NPIPB2: variants seen among roughly 807,000 people sequenced by gnomAD.
The protein encoded by NPIPB2 is nuclear pore complex-interacting protein family member B2.
A neutral mutation model predicts 30.8 loss-of-function variants in NPIPB2; 27 were observed. The ratio of observed to expected loss-of-function variants is 0.88; its 90% CI spans 0.65 to 1.21. The LOEUF is 1.21. NPIPB2 is among the 50% of genes most tolerant of loss of function. NPIPB2 has a pLI of 0.00. For missense variants in NPIPB2, 440 were observed against 446.2 expected (o/e 0.99, Z 0.13); for synonymous variants, 147 against 162.0 (o/e 0.91, Z 0.70).
chr16:11,948,764 C>T (rs1250272538), intron 1 of NPIPB2, among the ~76,000 whole-genome samples: 3 of 29,142 alleles, frequency 1.0e-4, no homozygotes, highest in Admixed American at 8.5e-4. Flanking sequence ...GAGACTCCGT[C>T]TCAAAAAAAA....
chr16:11,951,619 TACACATAC>T (rs1429991886), intron 1 of NPIPB2, among the ~76,000 whole-genome samples: 5,777 of 115,808 alleles, frequency 0.05, 407 homozygotes, highest in African/African-American at 0.17. Flanking sequence ...ACACTGCACA[TACACATAC>T]ACACACACAC....
chr16:11,944,461 C>A (rs1332397806), upstream of NPIPB2, among the ~76,000 whole-genome samples: 1 of 151,774 alleles, frequency 6.6e-6, no homozygotes, highest in Non-Finnish European at 1.5e-5. Context: ...GCCACCACAC[C>A]TGGCCTTAAA....
chr16:11,959,995 G>A (rs1051249506), intron 1 of NPIPB2, among the ~76,000 whole-genome samples: 4 of 152,128 alleles, frequency 2.6e-5, no homozygotes, highest in African/African-American at 9.7e-5. Context: ...AGGCTGTCTC[G>A]AACTACTGGG....
chr16:11,953,288 G>A (rs1246876312), intron 1 of NPIPB2, among the ~76,000 whole-genome samples: 2 of 152,058 alleles, frequency 1.3e-5, no homozygotes, highest in Non-Finnish European at 2.9e-5. Context: ...TGGGATTACA[G>A]GCACCTGCCA....
intron 1 of NPIPB2, among the ~76,000 whole-genome samples, chr16:11,952,772 G>A (rs944872461): frequency 6.6e-6 from 1 of 151,838 alleles, no homozygotes; most frequent in Non-Finnish European, 1.5e-5. Flanking sequence ...TGCAATGTTG[G>A]CCAGGCTGGT....
chr16:11,962,156 C>A (rs992507688), intron 1 of NPIPB2, among the ~76,000 whole-genome samples: 2 of 147,728 alleles, frequency 1.4e-5, no homozygotes, highest in South Asian at 4.3e-4. Context: ...CCTGATGGTG[C>A]CACTGCACTC....
At chr16:11,970,686 C>T (rs908682160) in intron 1 of NPIPB2, among the ~76,000 whole-genome samples, 1 of 152,042 alleles carries the variant, frequency 6.6e-6, no homozygotes, top group African/African-American at 2.4e-5. Flanking sequence ...CAGGCACCTG[C>T]CACCACGCCT....
intron 1 of NPIPB2, among the ~76,000 whole-genome samples, chr16:11,974,812 G>C (rs1226224593): frequency 1.3e-5 from 2 of 152,078 alleles, no homozygotes; most frequent in African/African-American, 4.8e-5. Context: ...GGTGGCTCAC[G>C]CCTGTAATCC....
chr16:11,927,293 G>A (rs1039235026), downstream of NPIPB2: 16 of 726,746 alleles, frequency 2.2e-5, no homozygotes, highest in African/African-American at 2.7e-4. Flanking sequence ...TTTATTCTTT[G>A]TTAGTTTGTT....
At chr16:11,951,735 C>A (rs1434523391) in intron 1 of NPIPB2, among the ~76,000 whole-genome samples, 1 of 151,506 alleles carries the variant, frequency 6.6e-6, no homozygotes, top group East Asian at 1.9e-4. Flanking sequence ...TTGATAGAAA[C>A]CCCTGGAGTA....
chr16:11,947,992 C>G (rs1001632525), intron 1 of NPIPB2, among the ~76,000 whole-genome samples: 3 of 147,420 alleles, frequency 2.0e-5, no homozygotes, highest in African/African-American at 7.6e-5. Context: ...TCAATTACAC[C>G]CAAGACTGGC....
chr16:11,941,825 A>T, intron 1 of NPIPB2, 158 bp downstream of exon 1: 1 of 1,201,122 alleles, frequency 8.3e-7, no homozygotes, highest in Non-Finnish European at 1.2e-6. Context: ...TCCTCTCTGG[A>T]ACCTTCACAA....
chr16:11,954,716 G>C (rs1596502346), intron 1 of NPIPB2, among the ~76,000 whole-genome samples: 1 of 151,878 alleles, frequency 6.6e-6, no homozygotes, highest in East Asian at 1.9e-4. Flanking sequence ...GACCATCCTG[G>C]CTAACACGGT....
chr16:11,944,180 T>C (rs1200052375), upstream of NPIPB2, among the ~76,000 whole-genome samples: 1 of 150,932 alleles, frequency 6.6e-6, no homozygotes, highest in Non-Finnish European at 1.5e-5. Flanking sequence ...ATTTTTTTTT[T>C]TTTTTTGGAG....
intron 1 of NPIPB2, among the ~76,000 whole-genome samples, chr16:11,964,296 A>G (rs528127876): frequency 2.4e-4 from 37 of 152,146 alleles, no homozygotes; most frequent in South Asian, 2.3e-3. Flanking sequence ...TTATTATTAT[A>G]ATACCCCAAA....
chr16:11,938,111 T>A (rs1057000994), intron 1 of NPIPB2, among the ~76,000 whole-genome samples: 3 of 149,620 alleles, frequency 2.0e-5, no homozygotes, highest in Non-Finnish European at 4.4e-5. Context: ...CTCCAGCTCC[T>A]GGGCTCAAGC....
chr16:11,963,166 G>A (rs2055166621), intron 1 of NPIPB2, among the ~76,000 whole-genome samples: 1 of 152,148 alleles, frequency 6.6e-6, no homozygotes, highest in Non-Finnish European at 1.5e-5. Context: ...GGTCACCTGA[G>A]GTCAGGAGTT....
intron 1 of NPIPB2, chr16:11,967,049 G>A (rs927509477): frequency 2.8e-5 from 6 of 210,830 alleles, no homozygotes; most frequent in African/African-American, 4.7e-5. Context: ...GGCCCAGGCT[G>A]GAGTGCAGTG....
At chr16:11,944,172 T>C (rs936357292), upstream of NPIPB2, among the ~76,000 whole-genome samples, 173 of 145,422 alleles carry the variant, frequency 1.2e-3, no homozygotes, top group Non-Finnish European at 2.0e-3. Context: ...TAAACTGGAT[T>C]TTTTTTTTTT....
Sources: gnomAD v4.1 joint callset for allele counts (sites outside exome capture counted in the v4.1 genomes callset) on GRCh38, gnomAD v4.1.1 for gene constraint, MANE v1.5 for transcripts, NCBI Gene and HGNC (gene_info 2026-07-23, HGNC 2026-07-21) for gene names.